LEPR: variants seen among roughly 807,000 people sequenced by gnomAD.
LEPR encodes leptin receptor.
A neutral mutation model predicts 114.7 loss-of-function variants in LEPR; 56 were observed. The observed-to-expected ratio is 0.49, with a 90% CI of 0.39 to 0.61. The LOEUF is 0.61. Among genes scored for constraint, LEPR ranks in the 20% least tolerant of loss-of-function variants. The pLI is 0.00. For missense variants in LEPR, 1,202 were observed against 1,352.9 expected, an observed-to-expected ratio of 0.89 and a Z score of 1.75; for synonymous variants, 443 against 461.4, an observed-to-expected ratio of 0.96 and a Z score of 0.51.
intron 2 of LEPR, among the ~76,000 whole-genome samples, chr1:65,455,467 A>T (rs1557601168): frequency 1.3e-5 from 2 of 152,138 alleles, no homozygotes; most frequent in Non-Finnish European, 2.9e-5. Flanking sequence ...TTTGGTGTGG[A>T]TGTCCTTTCT....
At chr1:65,564,691 A>G (rs1186562119) in intron 2 of LEPR, among the ~76,000 whole-genome samples, 2 of 152,184 alleles carry the variant, frequency 1.3e-5, no homozygotes, top group African/African-American at 4.8e-5. Context: ...GAGACCATCT[A>G]ACAGTCTGAT....
At chr1:65,450,369 G>C (rs1230381076) in intron 2 of LEPR, among the ~76,000 whole-genome samples, 1 of 149,526 alleles carries the variant, frequency 6.7e-6, no homozygotes, top group Non-Finnish European at 1.5e-5. Flanking sequence ...CTGGTGCGCT[G>C]CACCCACTAA....
intron 2 of LEPR, among the ~76,000 whole-genome samples, chr1:65,490,823 T>C (rs963834091): frequency 5.3e-5 from 8 of 152,146 alleles, no homozygotes; most frequent in Non-Finnish European, 1.0e-4. Context: ...CCCTCTTGGA[T>C]GACTTGTGGA....
chr1:65,500,266 G>C lies in LEPR; in HGVS notation c.-20-65280G>C, dbSNP rs145346494. On this transcript the variant is annotated intron_variant, in intron 2 of 19. Transcript: ENST00000349533. The stretch of plus-strand genomic sequence containing the variant: ...AGTTATTTATAACAGTGTGAAAACA[G>C]ACTAATACAGACCCCCCCAACAAAT... 5.0e-3 allele frequency among the ~76,000 whole-genome samples: 763 copies of C among 152,152 alleles called. 6 individuals are homozygous for C. The highest frequency in any genetic ancestry group is 0.018 in the African/African-American group (732 of 41,514).
intron 2 of LEPR, among the ~76,000 whole-genome samples, chr1:65,500,147 C>T (rs1359024519): frequency 6.6e-6 from 1 of 152,110 alleles, no homozygotes; most frequent in Non-Finnish European, 1.5e-5. Context: ...CCTTCACCTT[C>T]TGCCATGATT....
At chr1:65,459,105 C>G (rs1399943536) in intron 2 of LEPR, among the ~76,000 whole-genome samples, 2 of 152,176 alleles carry the variant, frequency 1.3e-5, no homozygotes, top group African/African-American at 4.8e-5. Context: ...TCCTGTCTGT[C>G]TCCCAAAGTG....
intron 3 of LEPR, among the ~76,000 whole-genome samples, chr1:65,567,899 A>G (rs1173340210): frequency 6.7e-6 from 1 of 149,554 alleles, no homozygotes; most frequent in Admixed American, 6.7e-5. Flanking sequence ...TGATGAACCC[A>G]TACTGACATA....
In LEPR at chr1:65,552,384, G is replaced by A. The variant is rs144012729; in HGVS notation, c.-20-13162G>A. ...TTAAGAACTTGCTTTATGAGTCTGG[G>A]TGCTCCTGTATTGGGTGCATATATT... On this transcript the variant is annotated intron_variant, in intron 2 of 19. Coordinates refer to ENST00000349533, the MANE Select transcript of LEPR (RefSeq NM_002303.6). Among the ~76,000 whole-genome samples, 6 of 152,244 alleles carry A rather than the reference G, an allele frequency of 3.9e-5. No homozygotes were observed. The East Asian group carries it at 1.2e-3, about 29-fold the overall frequency.
Position 65,610,227 on chromosome 1 carries a change from A to ACC in LEPR, c.1927_1928dup (p.Glu644LeufsTer6), listed in dbSNP as rs765223457. 1.4e-5 allele frequency: 22 copies of ACC among 1,613,902 alleles called. No individual in the cohort carries two copies. On this transcript the variant is annotated frameshift_variant, in exon 14 of 20. Transcript: ENST00000349533. LOFTEE classifies it high-confidence loss of function. The stretch of plus-strand genomic sequence containing the variant: ...GTCATTTTGCAGTTCCTATGAGAGG[A>ACC]CCTGAATTTTGGAGAATAATTAATG...
intron 5 of LEPR, 133 bp from the exon 6 acceptor site, chr1:65,592,521 GTTT>G: frequency 1.4e-6 from 1 of 707,100 alleles, no homozygotes; most frequent in South Asian, 2.1e-5. Flanking sequence ...CTAATGTAGG[GTTT>G]TTTTTTTTCA....
intron 2 of LEPR, among the ~76,000 whole-genome samples, chr1:65,488,226 C>CTTTCTTTT: frequency 1.5e-5 from 1 of 67,968 alleles, no homozygotes; most frequent in East Asian, 4.8e-4. Flanking sequence ...CTCTCTCTCT[C>CTTTCTTTT]TCTTTCTTTC....
Position 65,621,394 on chromosome 1 carries a change from A to T in LEPR, c.2533A>T (p.Ile845Phe). ...KHQSDAGLYV[I>F]VPVIISSSIL... is the part of the protein sequence containing the mutation. ...CCAGAGTGATGCAGGTTTATATGTA[A>T]TTGTGCCAGTAATTATTTCCTCTTC... is the stretch of plus-strand genomic sequence containing the variant. Residue 845 changes from isoleucine (I) to phenylalanine (F), a missense_variant, in exon 18 of 20, where the codon ATT becomes TTT. By Grantham distance (21) the Ile-to-Phe change is conservative (BLOSUM62 0). Transcript: ENST00000349533. 6.2e-7 allele frequency: 1 copy of T among 1,613,416 alleles called. No homozygotes were observed. The highest frequency in any genetic ancestry group is 1.1e-5 in the South Asian group (1 of 91,068).
intron 2 of LEPR, among the ~76,000 whole-genome samples, chr1:65,494,786 G>T (rs1296038254): frequency 6.6e-6 from 1 of 151,980 alleles, no homozygotes; most frequent in Non-Finnish European, 1.5e-5. Context: ...TCTCCTGCTA[G>T]GTGGTTCTGG....
intron 1 of LEPR, among the ~76,000 whole-genome samples, chr1:65,421,021 G>T (rs1171592486): frequency 6.6e-6 from 1 of 152,164 alleles, no homozygotes; most frequent in Non-Finnish European, 1.5e-5. Flanking sequence ...CGAGAGCGGC[G>T]CCCTCCACCT....
chr1:65,589,646 C>T (rs1218043010), intron 5 of LEPR, among the ~76,000 whole-genome samples: 1 of 151,976 alleles, frequency 6.6e-6, no homozygotes, highest in Non-Finnish European at 1.5e-5. Flanking sequence ...TATAGATATT[C>T]CATTGTTCCA....
chr1:65,584,452 T>C (rs1351685859), intron 5 of LEPR, among the ~76,000 whole-genome samples: 2 of 152,130 alleles, frequency 1.3e-5, no homozygotes, highest in African/African-American at 4.8e-5. Flanking sequence ...TGTGTGTTCA[T>C]ACTAATATGT....
intron 3 of LEPR, among the ~76,000 whole-genome samples, chr1:65,567,224 C>T (rs1263021571): frequency 2.6e-5 from 4 of 152,204 alleles, no homozygotes; most frequent in Non-Finnish European, 1.5e-5. Context: ...TTTAATTTAA[C>T]TGCATCAATA....
At chr1:65,628,415 C>A (rs1443004207) in intron 19 of LEPR, among the ~76,000 whole-genome samples, 1 of 152,180 alleles carries the variant, frequency 6.6e-6, no homozygotes, top group East Asian at 1.9e-4. Flanking sequence ...CCCTCCTCTT[C>A]CTGGAGGAAC....
intron 6 of LEPR, 24 bp from the exon 7 acceptor site, chr1:65,596,424 A>G (rs780153412): frequency 1.9e-6 from 3 of 1,611,552 alleles, no homozygotes; most frequent in Non-Finnish European, 2.5e-6. Flanking sequence ...TTGACTTAAA[A>G]GTATTCTCTT....
Sources: gnomAD v4.1 joint callset for allele counts (sites outside exome capture counted in the v4.1 genomes callset) on GRCh38, gnomAD v4.1.1 for gene constraint, MANE v1.5 for transcripts, NCBI Gene and HGNC (gene_info 2026-07-23, HGNC 2026-07-21) for gene names.